The following SEC31B variants were observed in gnomAD, a reference collection of about 807,000 sequenced individuals.
SEC31B encodes protein transport protein Sec31B.
Under a neutral mutation model 135.0 loss-of-function variants are expected in SEC31B, and 113 were observed. The ratio of observed to expected loss-of-function variants is 0.84; its 90% CI spans 0.72 to 0.98. The LOEUF (loss-of-function observed/expected upper bound fraction) is 0.98, where lower values mean the gene tolerates loss of function less well. SEC31B is among the 50% of genes least tolerant of loss of function. SEC31B has a pLI of 0.00. For missense variants in SEC31B, 1,296 were observed against 1,421.1 expected (o/e 0.91, Z 1.42); for synonymous variants, 508 against 549.4 (o/e 0.92, Z 1.05).
intron 3 of SEC31B, 21 bp from the exon 4 acceptor site, chr10:100,509,532 C>T: frequency 1.9e-6 from 3 of 1,584,864 alleles, no homozygotes; most frequent in Non-Finnish European, 2.6e-6. Context: ...GAGGAACTGG[C>T]ATCAGTACAA....
chr10:100,505,658 T>C, intron 9 of SEC31B, 163 bp from the exon 10 acceptor site: 1 of 1,425,564 alleles, frequency 7.0e-7, no homozygotes. Context: ...GTAGCGAGGG[T>C]GGGACTCCCA....
At chr10:100,494,452 C>A (rs569314514) in intron 19 of SEC31B, among the ~76,000 whole-genome samples, 1 of 152,308 alleles carries the variant, frequency 6.6e-6, no homozygotes, top group South Asian at 2.1e-4. Context: ...AGTTTAAGTT[C>A]TTTAGCACAG....
At chr10:100,497,591 C>T (rs77000964) in intron 16 of SEC31B, 76 bp downstream of exon 16, 63,352 of 1,606,692 alleles carry the variant, frequency 0.039, 1,508 homozygotes, top group Middle Eastern at 0.059. Flanking sequence ...TGCTCCTCCA[C>T]CTCCCTCCTG....
At chr10:100,502,924 G>A (rs1411577050) in intron 10 of SEC31B, among the ~76,000 whole-genome samples, 1 of 152,128 alleles carries the variant, frequency 6.6e-6, no homozygotes, top group Non-Finnish European at 1.5e-5. Flanking sequence ...CTAGCCTTCT[G>A]TTCTTTTCCC....
chr10:100,514,001 A>G (rs1487107709), intron 3 of SEC31B, among the ~76,000 whole-genome samples: 5 of 151,562 alleles, frequency 3.3e-5, no homozygotes, highest in Admixed American at 2.0e-4. Context: ...CCTGGCCAAC[A>G]TGGTGAAACC....
At chr10:100,508,182 T>C in intron 5 of SEC31B, 131 bp from the exon 6 acceptor site, 4 of 1,109,412 alleles carry the variant, frequency 3.6e-6, no homozygotes, top group Non-Finnish European at 5.2e-6. Flanking sequence ...ACTAAGACAG[T>C]GTTGCGAAGC....
chr10:100,508,882 G>T (rs544464999), intron 5 of SEC31B, 125 bp downstream of exon 5: 2 of 723,626 alleles, frequency 2.8e-6, no homozygotes, highest in South Asian at 3.5e-5. Context: ...AGTCTGTGGA[G>T]CTTTATTGCC....
chr10:100,498,903 TG>T, intron 13 of SEC31B, 99 bp from the exon 14 acceptor site: 1 of 915,518 alleles, frequency 1.1e-6, no homozygotes, highest in Non-Finnish European at 1.7e-6. Flanking sequence ...TGGCCGTTAA[TG>T]GGTAAAACTA....
chr10:100,517,262 T>C (rs576943782), intron 1 of SEC31B, among the ~76,000 whole-genome samples: 33 of 152,366 alleles, frequency 2.2e-4, no homozygotes, highest in Admixed American at 5.2e-4. Flanking sequence ...TCAGTGATGT[T>C]TGTCCATTTC....
intron 11 of SEC31B, 149 bp from the exon 12 acceptor site, chr10:100,499,747 T>G (rs1851481771): frequency 1.6e-6 from 1 of 623,742 alleles, no homozygotes; most frequent in African/African-American, 1.8e-5. Flanking sequence ...CATCTCTTTT[T>G]CCTCCCTGGA....
At chr10:100,507,223 A>T (rs1193093477) in intron 7 of SEC31B, among the ~76,000 whole-genome samples, 1 of 152,208 alleles carries the variant, frequency 6.6e-6, no homozygotes, top group Non-Finnish European at 1.5e-5. Flanking sequence ...ATGGAATCTC[A>T]GCCTCCTCTC....
intron 3 of SEC31B, among the ~76,000 whole-genome samples, chr10:100,514,719 A>G (rs1275402805): frequency 6.6e-6 from 1 of 152,172 alleles, no homozygotes; most frequent in Non-Finnish European, 1.5e-5. Context: ...GGGACCAAGA[A>G]ATGCACAAGG....
intron 13 of SEC31B, 70 bp from the exon 14 acceptor site, chr10:100,498,874 C>T: frequency 8.4e-7 from 1 of 1,192,640 alleles, no homozygotes; most frequent in Non-Finnish European, 1.2e-6. Flanking sequence ...GGCTTAGTAG[C>T]CCTGAGAGCT....
At chr10:100,504,105 T>C (rs191618761) in intron 10 of SEC31B, among the ~76,000 whole-genome samples, 3 of 152,344 alleles carry the variant, frequency 2.0e-5, no homozygotes, top group East Asian at 1.9e-4. Context: ...GGCATCACTA[T>C]CCCTGTTTTA....
chr10:100,490,405 G>T, intron 20 of SEC31B, 83 bp from the exon 21 acceptor site: 1 of 1,345,454 alleles, frequency 7.4e-7, no homozygotes, highest in Non-Finnish European at 1.0e-6. Flanking sequence ...AAACAGGATT[G>T]CAATAAAAAA....
chr10:100,487,262 T>G lies in SEC31B; in HGVS notation c.*354A>C. The stretch of plus-strand genomic sequence containing the variant: ...TGATGGGTCACAGCAGAGGTAGGCT[T>G]AAAAGTAACAATCCTGTTCACCCTC... On this transcript the variant is annotated 3_prime_UTR_variant, in exon 26 of 26. Transcript: ENST00000370345. 1 of 249,950 alleles carries G rather than the reference T, an allele frequency of 4.0e-6. No homozygotes were observed. 15.5% of individuals were successfully genotyped at this position (249,950 alleles called of 1,614,324 possible). A position where few individuals can be genotyped will look rare whatever the true frequency, so the allele number is the denominator to read the frequency against.
At chr10:100,495,340 C>T (rs748654975) in intron 19 of SEC31B, 45 bp downstream of exon 19, 4 of 1,557,008 alleles carry the variant, frequency 2.6e-6, no homozygotes, top group Non-Finnish European at 3.5e-6. Flanking sequence ...CCATGCTTGG[C>T]ACGTATTATT....
intron 14 of SEC31B, 104 bp downstream of exon 14, chr10:100,498,601 G>A: frequency 1.3e-6 from 1 of 778,850 alleles, no homozygotes; most frequent in South Asian, 1.6e-5. Context: ...ACGGTGGGAG[G>A]AAGGCACGAG....
chr10:100,502,529 A>T (rs1262272167), intron 10 of SEC31B, 45 bp from the exon 11 acceptor site: 3 of 1,288,082 alleles, frequency 2.3e-6, no homozygotes, highest in Non-Finnish European at 3.3e-6. Flanking sequence ...CCTTCAAGTC[A>T]AAAAGTAACA....
Sources: gnomAD v4.1 joint callset for allele counts (sites outside exome capture counted in the v4.1 genomes callset) on GRCh38, gnomAD v4.1.1 for gene constraint, MANE v1.5 for transcripts, NCBI Gene and HGNC (gene_info 2026-07-23, HGNC 2026-07-21) for gene names.